Variants in DYRK4 observed in about 807,000 individuals in gnomAD.
The protein encoded by DYRK4 is dual specificity tyrosine phosphorylation regulated kinase 4.
In DYRK4, 64 loss-of-function variants were observed where a neutral mutation model predicts 68.3. The ratio of observed to expected loss-of-function variants is 0.94; its 90% CI spans 0.77 to 1.15. The LOEUF is 1.15. DYRK4 is among the 50% of genes most tolerant of loss of function. DYRK4 has a pLI of 0.00. For synonymous variants in DYRK4, 274 were observed against 289.9 expected, an observed-to-expected ratio of 0.95 and a Z score of 0.56; for missense variants, 740 against 764.7, an observed-to-expected ratio of 0.97 and a Z score of 0.38.
chr12:4,599,795 C>T lies in DYRK4; in HGVS notation c.1126+7C>T, dbSNP rs1465584400. ...TGTTATGAACACCAGAAAGGTGAGC[C>T]CCATGTCAGTCCCATCATCTGAGTT... On this transcript the variant is annotated splice_region_variant and intron_variant, in intron 10 of 14. Coordinates refer to ENST00000543431, the MANE Select transcript of DYRK4 (RefSeq NM_001394779.1). The T allele has an allele frequency of 6.2e-7, 1 of 1,612,100 alleles. No homozygotes were observed. Among genetic ancestry groups the T allele is most frequent in the African/African-American group, 1.3e-5 (1 of 74,824 alleles).
chr12:4,600,108 A>G (rs1053049122), intron 10 of DYRK4, among the ~76,000 whole-genome samples: 1 of 152,180 alleles, frequency 6.6e-6, no homozygotes, highest in Non-Finnish European at 1.5e-5. Flanking sequence ...TCCTAATTCA[A>G]ATTTCTGGGA....
chr12:4,605,460 T>A (rs948653211), intron 11 of DYRK4, among the ~76,000 whole-genome samples: 8 of 152,218 alleles, frequency 5.3e-5, no homozygotes, highest in African/African-American at 1.9e-4. Flanking sequence ...GCCATGATTT[T>A]ACTTTGTTCT....
chr12:4,574,049 C>G (rs1009161658), intron 2 of DYRK4, among the ~76,000 whole-genome samples: 1 of 151,946 alleles, frequency 6.6e-6, no homozygotes, highest in African/African-American at 2.4e-5. Flanking sequence ...CACGGTGAAA[C>G]CGCATCTCTA....
chr12:4,613,765 G>A lies in DYRK4; in HGVS notation c.*12G>A. The A allele has an allele frequency of 1.3e-6, 2 of 1,517,014 alleles. No homozygotes were observed. The highest frequency in any genetic ancestry group is 2.0e-5 in the Admixed American group (1 of 50,244). 94.0% of individuals were successfully genotyped at this position (1,517,014 alleles called of 1,614,324 possible). On this transcript the variant is annotated 3_prime_UTR_variant, in exon 15 of 15. Transcript: ENST00000543431. This position sits in a 1 kb window ranked among gnomAD's most constrained non-coding sequence, Gnocchi z 4.0. The stretch of plus-strand genomic sequence containing the variant: ...CCCCTATTGTATGACCTTTGCTGAG[G>A]GTATGTCCTGCTCCTTTCCACCAGT...
chr12:4,570,033 T>G (rs1944714606), intron 2 of DYRK4, among the ~76,000 whole-genome samples: 1 of 144,464 alleles, frequency 6.9e-6, no homozygotes. Context: ...CAAGACCCTG[T>G]CGCTATAAAT....
rs58259135 is a variant in DYRK4, at chr12:4,601,876, T to TTGTGTGTGTGTGTGTGTGTGTG, written c.1126+2102_1126+2123dup. ...CTTAAGTGAGACCAGTCTGTAGGGT[T>TTGTGTGTGTGTGTGTGTGTGTG]TGTGTGTGTGTGTGTGTGTGTGTGT... On this transcript the variant is annotated intron_variant, in intron 10 of 14. Coordinates refer to ENST00000543431, the MANE Select transcript of DYRK4 (RefSeq NM_001394779.1). 5 of 157,646 alleles carry TTGTGTGTGTGTGTGTGTGTGTG rather than the reference T, an allele frequency of 3.2e-5. No homozygotes were observed. In the South Asian group the frequency reaches 9.2e-4, roughly 29 times the overall value. 9.8% of individuals were successfully genotyped at this position (157,646 alleles called of 1,614,324 possible). A position where few individuals can be genotyped will look rare whatever the true frequency, so the allele number is the denominator to read the frequency against.
At chr12:4,565,634 T>TC (rs1195044647) in intron 1 of DYRK4, among the ~76,000 whole-genome samples, 12 of 152,020 alleles carry the variant, frequency 7.9e-5, no homozygotes, top group African/African-American at 2.7e-4. Flanking sequence ...TTACTTTTTT[T>TC]TTTTTTTTTA....
intron 6 of DYRK4, among the ~76,000 whole-genome samples, chr12:4,594,652 C>T (rs1452899764): frequency 3.9e-5 from 6 of 151,984 alleles, no homozygotes; most frequent in Non-Finnish European, 8.8e-5. Context: ...GGTGTCAGTA[C>T]TACTTTTAAG....
Position 4,596,185 on chromosome 12 carries a change from C to A in DYRK4, c.664C>A (p.Leu222Met), listed in dbSNP as rs1184397958. The A allele has an allele frequency of 6.2e-7, 1 of 1,614,108 alleles. No homozygotes were observed. Among genetic ancestry groups the A allele is most frequent in the Non-Finnish European group, 8.5e-7 (1 of 1,180,058 alleles). ...HDHIAYRYEV[L>M]ETIGKGSFGQ... ...TCACATTGCCTACCGCTATGAAGTTCTGGAGACAATCGGGAAGGGGTCCTT... is the reference window on the plus strand; with the variant it reads ...TCACATTGCCTACCGCTATGAAGTTATGGAGACAATCGGGAAGGGGTCCTT... Residue 222 changes from leucine (L) to methionine (M), a missense_variant, in exon 7 of 15, where the codon CTG (leucine) becomes ATG (methionine). Leu to Met is a conservative substitution (Grantham distance 15). Coordinates refer to ENST00000543431, the MANE Select transcript of DYRK4 (RefSeq NM_001394779.1).
At chr12:4,604,890 G>T in intron 10 of DYRK4, 24 bp from the exon 11 acceptor site, 1 of 1,561,182 alleles carries the variant, frequency 6.4e-7, no homozygotes, top group Non-Finnish European at 8.7e-7. Context: ...GTCCCACGAG[G>T]TTTCTCTTAC....
Position 4,613,669 on chromosome 12 carries a change from C to G in DYRK4, c.1821C>G (p.Val607=). The G allele has an allele frequency of 2.5e-6, 4 of 1,613,120 alleles. No homozygotes were observed. Among genetic ancestry groups the G allele is most frequent in the Non-Finnish European group, 3.4e-6 (4 of 1,179,172 alleles). ...VDAPKKSEAA[V]GAEVSMTSPG... is the part of the protein sequence containing the mutation. ...CTCCCAAGAAGTCAGAGGCAGCTGTCGGGGCGGAGGTGTCCATGACCTCCC... is the reference window on the plus strand; with the variant it reads ...CTCCCAAGAAGTCAGAGGCAGCTGTGGGGGCGGAGGTGTCCATGACCTCCC... The change falls in exon 15 of 15, where the codon GTC becomes GTG. Residue 607 remains valine, a synonymous_variant. Coordinates refer to ENST00000543431, the MANE Select transcript of DYRK4 (RefSeq NM_001394779.1). The surrounding 1 kb of genome is among the most constrained non-coding windows in gnomAD (Gnocchi z 4.0).
chr12:4,575,306 T>TGTGTGTGTGTGTGTGTGTGTGTGG (rs1231608854), intron 2 of DYRK4, among the ~76,000 whole-genome samples: 2 of 150,196 alleles, frequency 1.3e-5, no homozygotes, highest in African/African-American at 4.9e-5. Context: ...TTACTGTGTG[T>TGTGTGTGTGTGTGTGTGTGTGTGG]GTGTGTGTGT....
intron 8 of DYRK4, 95 bp downstream of exon 8, chr12:4,596,824 T>C: frequency 6.3e-7 from 1 of 1,578,888 alleles, no homozygotes; most frequent in Non-Finnish European, 8.5e-7. Flanking sequence ...TGGATGTGAA[T>C]ATTTAGTAAC....
intron 12 of DYRK4, 37 bp from the exon 13 acceptor site, chr12:4,610,102 GACCACTAAAGATTTAC>G: frequency 6.6e-7 from 1 of 1,509,406 alleles, no homozygotes; most frequent in Non-Finnish European, 8.9e-7. Context: ...AGCATCATGT[GACCACTAAAGATTTAC>G]ACCTGAAACT....
At chr12:4,601,928 A>G (rs937952475) in intron 10 of DYRK4, 20 of 268,530 alleles carry the variant, frequency 7.4e-5, no homozygotes, top group Admixed American at 1.6e-4. Context: ...GTCCTGTTTG[A>G]ATACCAAAGT....
chr12:4,593,201 C>T (rs185292390), intron 6 of DYRK4, 36 bp downstream of exon 6: 2 of 1,606,464 alleles, frequency 1.2e-6, no homozygotes, highest in Admixed American at 3.4e-5. Flanking sequence ...CCTGCAGGGG[C>T]CCAGGGACAA....
rs772049418 is a variant in DYRK4, at chr12:4,610,150, T to C, written c.1361-5T>C. On this transcript the variant is annotated splice_polypyrimidine_tract_variant and splice_region_variant and intron_variant, in intron 12 of 14. Coordinates refer to ENST00000543431, the MANE Select transcript of DYRK4 (RefSeq NM_001394779.1). ...AACTAAATACAGAATGTTCTATCTC[T>C]ACAGATTCCAAAGGTTTTCCTAAAA... is the stretch of plus-strand genomic sequence containing the variant. 4.5e-5 allele frequency: 72 copies of C among 1,585,816 alleles called. No homozygotes were observed. The highest frequency in any genetic ancestry group is 5.6e-5 in the Admixed American group (3 of 53,448).
intron 12 of DYRK4, among the ~76,000 whole-genome samples, chr12:4,609,246 G>A (rs1017947294): frequency 2.7e-4 from 41 of 152,286 alleles, no homozygotes; most frequent in African/African-American, 7.7e-4. Context: ...CTGCATCTTC[G>A]TCAGTGTTTT....
intron 8 of DYRK4, among the ~76,000 whole-genome samples, chr12:4,598,278 T>TGAG (rs1209523538): frequency 2.0e-5 from 3 of 152,160 alleles, no homozygotes; most frequent in Non-Finnish European, 2.9e-5. Context: ...AAATGGAAGA[T>TGAG]GAGGAGGAAC....
Sources: gnomAD v4.1 joint callset for allele counts (sites outside exome capture counted in the v4.1 genomes callset) on GRCh38, gnomAD v4.1.1 for gene constraint, Gnocchi (gnomAD v3.1) non-coding constraint, MANE v1.5 for transcripts, NCBI Gene and HGNC (gene_info 2026-07-23, HGNC 2026-07-21) for gene names.